Variants in SCARB1 observed in about 807,000 individuals in gnomAD.
SCARB1 encodes the protein scavenger receptor class B member 1.
SCARB1 carries 30 observed loss-of-function variants against 57.2 expected under a neutral mutation model. That is an observed-to-expected ratio of 0.52 (90% CI 0.39 to 0.71). The LOEUF (loss-of-function observed/expected upper bound fraction) is 0.71. Among genes scored for constraint, SCARB1 ranks in the 30% least tolerant of loss-of-function variants. The pLI, the probability that SCARB1 is intolerant of heterozygous loss-of-function variation, is 0.00. For missense variants in SCARB1, 543 were observed against 671.2 expected (o/e 0.81, Z 2.11); for synonymous variants, 249 against 268.3 (o/e 0.93, Z 0.70).
At chr12:124,856,194 A>G (rs929252211) in intron 1 of SCARB1, among the ~76,000 whole-genome samples, 1 of 152,254 alleles carries the variant, frequency 6.6e-6, no homozygotes, top group Non-Finnish European at 1.5e-5. Context: ...ACACACAAGG[A>G]CATGCATAAA....
At chr12:124,856,610 C>T (rs1323327325) in intron 1 of SCARB1, among the ~76,000 whole-genome samples, 2 of 152,220 alleles carry the variant, frequency 1.3e-5, no homozygotes, top group Non-Finnish European at 2.9e-5. Context: ...TGGCACACAC[C>T]TGTGATCCAA....
At chr12:124,821,397 CT>C in intron 1 of SCARB1, 1 of 985,438 alleles carries the variant, frequency 1.0e-6, no homozygotes. Context: ...TCCTCCTCCC[CT>C]GGCCGCTTGG....
intron 12 of SCARB1, among the ~76,000 whole-genome samples, chr12:124,781,415 C>T (rs1353931079): frequency 6.6e-6 from 1 of 151,854 alleles, no homozygotes; most frequent in Non-Finnish European, 1.5e-5. Flanking sequence ...CAGCTATTAT[C>T]AGAGGCACCA....
Position 124,789,475 on chromosome 12 carries a change from G to A in SCARB1, c.1203-2018C>T, listed in dbSNP as rs1949644159. 6.6e-6 allele frequency among the ~76,000 whole-genome samples: 1 copy of A among 152,146 alleles called. No individual in the cohort carries two copies. Among genetic ancestry groups the A allele is most frequent in the African/African-American group, 2.4e-5 (1 of 41,426 alleles). On this transcript the variant is annotated intron_variant, in intron 9 of 12. Coordinates refer to ENST00000261693, the MANE Select transcript of SCARB1 (RefSeq NM_005505.5). This position sits in a 1 kb window ranked among gnomAD's most constrained non-coding sequence, Gnocchi z 4.4. ...ACGACGAAGGGGACCGTGCAGACATGACTGCATCAAGGCTCTCAGATGGGG... is the reference window on the plus strand; with the variant it reads ...ACGACGAAGGGGACCGTGCAGACATAACTGCATCAAGGCTCTCAGATGGGG...
At chr12:124,858,129 T>C (rs576191098) in intron 1 of SCARB1, among the ~76,000 whole-genome samples, 4 of 152,310 alleles carry the variant, frequency 2.6e-5, no homozygotes, top group Admixed American at 2.6e-4. Flanking sequence ...CATCTGCCTC[T>C]GGGACAGACA....
chr12:124,837,369 T>G (rs1951690015), intron 1 of SCARB1, among the ~76,000 whole-genome samples: 1 of 150,022 alleles, frequency 6.7e-6, no homozygotes, highest in African/African-American at 2.5e-5. Flanking sequence ...CTATTTCTAC[T>G]CACCCCACAA....
chr12:124,838,644 G>A (rs145252411), intron 1 of SCARB1, among the ~76,000 whole-genome samples: 2,407 of 152,122 alleles, frequency 0.016, 65 homozygotes, highest in African/African-American at 0.054. Flanking sequence ...TGGGCCGTCT[G>A]GTCTACCATC....
chr12:124,844,520 T>G (rs1340180016), intron 1 of SCARB1, among the ~76,000 whole-genome samples: 1 of 152,170 alleles, frequency 6.6e-6, no homozygotes, highest in Non-Finnish European at 1.5e-5. Flanking sequence ...AATGTGACTG[T>G]ATTGGCGCGG....
chr12:124,834,650 G>A (rs1371966154), intron 1 of SCARB1, among the ~76,000 whole-genome samples: 1 of 152,236 alleles, frequency 6.6e-6, no homozygotes, highest in Non-Finnish European at 1.5e-5. Flanking sequence ...GCTCACGCCT[G>A]TAATCCCAGC....
At chr12:124,833,097 A>G (rs1436373313) in intron 1 of SCARB1, among the ~76,000 whole-genome samples, 1 of 150,238 alleles carries the variant, frequency 6.7e-6, no homozygotes, top group African/African-American at 2.5e-5. Context: ...CACATCTCCT[A>G]CTCTGACCCT....
intron 1 of SCARB1, among the ~76,000 whole-genome samples, chr12:124,847,616 C>A (rs1429122023): frequency 6.6e-6 from 1 of 152,176 alleles, no homozygotes; most frequent in East Asian, 1.9e-4. Flanking sequence ...TGTGATGGCA[C>A]TGGGGTGGGC....
intron 9 of SCARB1, among the ~76,000 whole-genome samples, chr12:124,793,140 G>C (rs1317810985): frequency 6.6e-6 from 1 of 152,148 alleles, no homozygotes; most frequent in Non-Finnish European, 1.5e-5. Context: ...GTTATTACTC[G>C]CTGCCGTGCT....
chr12:124,841,414 G>A (rs1430156606), intron 1 of SCARB1, among the ~76,000 whole-genome samples: 5 of 150,554 alleles, frequency 3.3e-5, no homozygotes, highest in Admixed American at 1.3e-4. Context: ...CTCGGGAGGC[G>A]GAGGTTGCAG....
In SCARB1 at chr12:124,817,578, C is replaced by T. The variant is rs1433047932; in HGVS notation, c.256G>A (p.Val86Met). 4 of 1,614,074 alleles carry T rather than the reference C, an allele frequency of 2.5e-6. No homozygotes were observed. The African/African-American group carries it at 4.0e-5, about 16-fold the overall frequency. The change falls in exon 2 of 13, where the codon GTG (valine) becomes ATG (methionine). Residue 86 changes from valine to methionine, a missense_variant. By Grantham distance (21) the Val-to-Met change is conservative. Coordinates refer to ENST00000261693, the MANE Select transcript of SCARB1 (RefSeq NM_005505.5). This position sits in a 1 kb window ranked among gnomAD's most constrained non-coding sequence, Gnocchi z 4.8. Reference sequence around the variant, plus strand: ...TACACGTAGGGCCCGCGCTCCCGCACCTGCGGCTTCTCGCCCTTCAGGATC... The same window carrying T: ...TACACGTAGGGCCCGCGCTCCCGCATCTGCGGCTTCTCGCCCTTCAGGATC... ...SEILKGEKPQ[V>M]RERGPYVYRE...
chr12:124,799,275 G>A (rs188900189), intron 8 of SCARB1, among the ~76,000 whole-genome samples: 5 of 152,012 alleles, frequency 3.3e-5, no homozygotes, highest in Admixed American at 6.6e-5. Context: ...CTGTAATCCC[G>A]GTACTTTGGG....
At chr12:124,783,886 G>A (rs838891) in intron 11 of SCARB1, 94,635 of 152,140 alleles carry the variant, frequency 0.62, 30,032 homozygotes, top group South Asian at 0.75. Flanking sequence ...GTGGCCTCCA[G>A]TGAAACCTGC....
intron 1 of SCARB1, among the ~76,000 whole-genome samples, chr12:124,845,422 C>T (rs1952100775): frequency 1.3e-5 from 2 of 151,672 alleles, no homozygotes; most frequent in South Asian, 2.1e-4. Context: ...GGGCCGGGCA[C>T]GGTGGCTCAG....
intron 1 of SCARB1, among the ~76,000 whole-genome samples, chr12:124,825,934 A>C (rs1335716275): frequency 1.3e-5 from 2 of 152,156 alleles, no homozygotes; most frequent in East Asian, 1.9e-4. Flanking sequence ...CACAGGGCGC[A>C]AAGCTGCAGT....
chr12:124,794,659 G>A (rs965955367), intron 9 of SCARB1, among the ~76,000 whole-genome samples: 1 of 152,196 alleles, frequency 6.6e-6, no homozygotes, highest in African/African-American at 2.4e-5. Flanking sequence ...GGCCGGGCAC[G>A]GTGGCTCACG....
Sources: allele counts gnomAD v4.1 joint callset (sites outside exome capture counted in the v4.1 genomes callset), GRCh38; gene constraint gnomAD v4.1.1; non-coding constraint Gnocchi (gnomAD v3.1); transcripts MANE v1.5; gene names NCBI Gene and HGNC (gene_info 2026-07-23, HGNC 2026-07-21).